Variants in ADCY2 observed in about 807,000 individuals in gnomAD.
ADCY2 encodes the protein adenylate cyclase 2.
A neutral mutation model predicts 125.2 loss-of-function variants in ADCY2; 31 were observed. That is an observed-to-expected ratio of 0.25 (90% CI 0.19 to 0.33). ADCY2 has a LOEUF of 0.33. Among genes scored for constraint, ADCY2 ranks in the 10% least tolerant of loss-of-function variants. The pLI is 1.00. For synonymous variants in ADCY2, 512 were observed against 548.4 expected, an observed-to-expected ratio of 0.93 and a Z score of 0.93; for missense variants, 904 against 1,418.2, an observed-to-expected ratio of 0.64 and a Z score of 5.82.
intron 4 of ADCY2, among the ~76,000 whole-genome samples, chr5:7,638,822 C>A (rs1738595028): frequency 6.6e-6 from 1 of 152,150 alleles, no homozygotes. Context: ...GGCTCTGTGG[C>A]CCCACCCAAA....
In ADCY2 at chr5:7,507,302, G is replaced by C. The variant is rs371094701; in HGVS notation, c.409-13436G>C. ...TAAAAATACAAAAAATTAGCCGGGC[G>C]TAGTGGCGGGCGCCTGTAGTCCCAG... On this transcript the variant is annotated intron_variant, in intron 2 of 24. Coordinates refer to ENST00000338316, the MANE Select transcript of ADCY2 (RefSeq NM_020546.3). 2.0e-4 allele frequency among the ~76,000 whole-genome samples: 28 copies of C among 142,964 alleles called. 1 individual carries two copies. The highest frequency in any genetic ancestry group is 7.0e-4 in the African/African-American group (27 of 38,410). The allele number at this position is 142,964 out of a possible 152,430, so 93.8% of individuals were successfully genotyped here. A position where few individuals can be genotyped will look rare whatever the true frequency, so the allele number is the denominator to read the frequency against.
At chr5:7,545,559 G>T (rs897126697) in intron 3 of ADCY2, among the ~76,000 whole-genome samples, 2 of 152,104 alleles carry the variant, frequency 1.3e-5, no homozygotes, top group African/African-American at 2.4e-5. Context: ...TGAACACTTT[G>T]TCCAGACCTA....
intron 3 of ADCY2, among the ~76,000 whole-genome samples, chr5:7,598,953 C>T (rs1737105291): frequency 6.6e-6 from 1 of 152,242 alleles, no homozygotes; most frequent in African/African-American, 2.4e-5. Context: ...TGTGAAGATG[C>T]TGAGATCTGG....
At chr5:7,754,295 G>C (rs1460680646) in intron 15 of ADCY2, among the ~76,000 whole-genome samples, 1 of 152,128 alleles carries the variant, frequency 6.6e-6, no homozygotes, top group African/African-American at 2.4e-5. Context: ...ACAGTAACTT[G>C]TTTTAATTTT....
At chr5:7,418,108 T>C (rs1223480596) in intron 2 of ADCY2, among the ~76,000 whole-genome samples, 1 of 152,192 alleles carries the variant, frequency 6.6e-6, no homozygotes, top group Non-Finnish European at 1.5e-5. Context: ...CTGACTACCC[T>C]CAGGTGTTGA....
chr5:7,757,325 G>C, intron 15 of ADCY2, 124 bp from the exon 16 acceptor site: 1 of 1,257,254 alleles, frequency 8.0e-7, no homozygotes, highest in Non-Finnish European at 1.1e-6. Flanking sequence ...GGGGAGGATA[G>C]AATCTACATG....
intron 4 of ADCY2, among the ~76,000 whole-genome samples, chr5:7,633,024 T>G (rs574525888): frequency 6.6e-6 from 1 of 151,994 alleles, no homozygotes; most frequent in Non-Finnish European, 1.5e-5. Flanking sequence ...ATGAAGGAAC[T>G]CTCAGGAATC....
At chr5:7,698,155 G>A (rs1740955744) in intron 6 of ADCY2, 92 bp from the exon 7 acceptor site, 4 of 1,510,386 alleles carry the variant, frequency 2.6e-6, no homozygotes, top group Non-Finnish European at 3.6e-6. Flanking sequence ...CTGGAATGGT[G>A]TGAGCAGAGC....
At chr5:7,518,487 A>G (rs2126529419) in intron 2 of ADCY2, among the ~76,000 whole-genome samples, 1 of 152,384 alleles carries the variant, frequency 6.6e-6, no homozygotes, top group South Asian at 2.1e-4. Flanking sequence ...ATGATGCTAA[A>G]TAATAATGCT....
intron 16 of ADCY2, among the ~76,000 whole-genome samples, chr5:7,766,464 G>C (rs1303020816): frequency 1.3e-5 from 2 of 152,128 alleles, no homozygotes; most frequent in Non-Finnish European, 2.9e-5. Context: ...TTTGATAAAG[G>C]CGCCTCCAAT....
intron 3 of ADCY2, among the ~76,000 whole-genome samples, chr5:7,576,520 T>C (rs1263507304): frequency 6.6e-6 from 1 of 152,230 alleles, no homozygotes; most frequent in Non-Finnish European, 1.5e-5. Context: ...ATGTAAAAGC[T>C]GGTATTATAA....
intron 22 of ADCY2, among the ~76,000 whole-genome samples, chr5:7,806,091 G>A (rs903245843): frequency 2.0e-4 from 30 of 152,214 alleles, no homozygotes; most frequent in African/African-American, 6.0e-4. Context: ...TCTGCATGGT[G>A]TTGTAGATTT....
intron 3 of ADCY2, among the ~76,000 whole-genome samples, chr5:7,526,348 G>C (rs1444330034): frequency 6.6e-6 from 1 of 152,128 alleles, no homozygotes; most frequent in Non-Finnish European, 1.5e-5. Flanking sequence ...GGTAAAATTG[G>C]TTCACAAGTA....
intron 22 of ADCY2, 43 bp from the exon 23 acceptor site, chr5:7,816,823 G>A (rs1745127511): frequency 1.3e-6 from 2 of 1,528,934 alleles, no homozygotes; most frequent in Admixed American, 3.3e-5. Context: ...GTTTCCAGCT[G>A]TGATGCTCTA....
intron 14 of ADCY2, among the ~76,000 whole-genome samples, chr5:7,742,077 T>A (rs968066068): frequency 1.3e-5 from 2 of 149,298 alleles, no homozygotes; most frequent in African/African-American, 2.5e-5. Flanking sequence ...CTCAGCCTTA[T>A]GAATCTGGCA....
At chr5:7,472,512 C>CATAT (rs3033080) in intron 2 of ADCY2, among the ~76,000 whole-genome samples, 1 of 151,760 alleles carries the variant, frequency 6.6e-6, no homozygotes, top group African/African-American at 2.4e-5. Context: ...GGGAAATATG[C>CATAT]ATATATATAT....
intron 3 of ADCY2, among the ~76,000 whole-genome samples, chr5:7,545,605 G>A (rs766402628): frequency 6.6e-6 from 1 of 152,082 alleles, no homozygotes; most frequent in Non-Finnish European, 1.5e-5. Flanking sequence ...TTAGAAAAGG[G>A]GTTTATTTCT....
intron 3 of ADCY2, among the ~76,000 whole-genome samples, chr5:7,557,135 T>TATATATATATATATATATA (rs1554019445): frequency 1.3e-5 from 1 of 77,466 alleles, no homozygotes; most frequent in African/African-American, 3.4e-5. Context: ...CAAAAACAGT[T>TATATATATATATATATATA]TATATATATA....
At chr5:7,675,258 A>G (rs1280064054) in intron 4 of ADCY2, among the ~76,000 whole-genome samples, 1 of 152,172 alleles carries the variant, frequency 6.6e-6, no homozygotes, top group African/African-American at 2.4e-5. Flanking sequence ...TATGACACTA[A>G]TATTTGGCCA....
Sources: gnomAD v4.1 joint callset for allele counts (sites outside exome capture counted in the v4.1 genomes callset) on GRCh38, gnomAD v4.1.1 for gene constraint, MANE v1.5 for transcripts, NCBI Gene and HGNC (gene_info 2026-07-23, HGNC 2026-07-21) for gene names.